MYO1H: variants seen among roughly 807,000 people sequenced by gnomAD.
The protein encoded by MYO1H is unconventional myosin-Ih.
MYO1H carries 118 observed loss-of-function variants against 149.3 expected under a neutral mutation model. That is an observed-to-expected ratio of 0.79 (90% CI 0.68 to 0.92). MYO1H has a LOEUF of 0.92. Among genes scored for constraint, MYO1H ranks in the 40% least tolerant of loss-of-function variants. The pLI, the probability that MYO1H is intolerant of heterozygous loss-of-function variation, is 0.00. For missense variants in MYO1H, 1,212 were observed against 1,280.7 expected, an observed-to-expected ratio of 0.95 and a Z score of 0.82; for synonymous variants, 447 against 465.2, an observed-to-expected ratio of 0.96 and a Z score of 0.50.
chr12:109,428,806 T>A (rs77866602), intron 19 of MYO1H, among the ~76,000 whole-genome samples: 8 of 55,728 alleles, frequency 1.4e-4, no homozygotes, highest in Non-Finnish European at 3.5e-4. Flanking sequence ...CTCACCCCCC[T>A]CCAAACATAT....
At chr12:109,351,358 C>T (rs916442994) in intron 1 of MYO1H, among the ~76,000 whole-genome samples, 1 of 152,168 alleles carries the variant, frequency 6.6e-6, no homozygotes, top group Non-Finnish European at 1.5e-5. Context: ...TATCTTTTGA[C>T]TAACAAAATA....
At chr12:109,340,487 C>A in the MYO1H span, among the ~76,000 whole-genome samples, 1 of 152,116 alleles carries the variant, frequency 6.6e-6, no homozygotes, top group Admixed American at 6.6e-5. Flanking sequence ...TTTTAACACC[C>A]CCCTGTTCTC....
At chr12:109,324,248 C>T in the MYO1H span, among the ~76,000 whole-genome samples, 11 of 152,136 alleles carry the variant, frequency 7.2e-5, no homozygotes, top group Non-Finnish European at 7.4e-5. Context: ...TACAGCTTGG[C>T]GGCCTCAGGG....
rs1872134198 is a variant in MYO1H, at chr12:109,441,647, CA to C, written c.2572del (p.Arg858GlyfsTer11). 3 of 1,613,020 alleles carry C rather than the reference CA, an allele frequency of 1.9e-6. No individual in the cohort carries two copies. Among genetic ancestry groups the C allele is most frequent in the Non-Finnish European group, 8.5e-7 (1 of 1,179,470 alleles). On this transcript the variant is annotated frameshift_variant, in exon 26 of 32. Transcript: ENST00000310903. LOFTEE classifies it high-confidence loss of function. ...AAAAGGTAGTTACAAGTGAAATCTT[CA>C]GGGGAAGGAAAGACGGCTACACAGA...
exon 26 of MYO1H, chr12:109,441,626 G>A (rs374331908): frequency 3.7e-6 from 6 of 1,610,568 alleles, no homozygotes; most frequent in Middle Eastern, 1.7e-4. Context: ...TGCAGCAAAA[G>A]GTAGTTACAA....
intron 7 of MYO1H, among the ~76,000 whole-genome samples, chr12:109,405,512 T>C (rs1346765816): frequency 1.3e-5 from 2 of 152,170 alleles, no homozygotes; most frequent in Non-Finnish European, 2.9e-5. Flanking sequence ...GGTTTCACCA[T>C]GTTGGCCAGA....
intron 18 of MYO1H, 102 bp downstream of exon 18, chr12:109,426,153 C>T (rs975409054): frequency 1.2e-5 from 9 of 775,056 alleles, no homozygotes; most frequent in East Asian, 2.6e-5. Context: ...CAAGCTTGCT[C>T]GATGTCCTCT....
At chr12:109,432,978 C>T (rs750786448) in exon 20 of MYO1H, 20 of 1,613,922 alleles carry the variant, frequency 1.2e-5, no homozygotes, top group Middle Eastern at 3.3e-4. Flanking sequence ...TCAAGTACAT[C>T]GGCTACAAAC....
At chr12:109,330,645 A>G in the MYO1H span, among the ~76,000 whole-genome samples, 2 of 152,120 alleles carry the variant, frequency 1.3e-5, no homozygotes, top group Admixed American at 1.3e-4. Context: ...AGTCCTCATT[A>G]TCTCTAATTG....
In MYO1H at chr12:109,393,332, CAT is replaced by C; in HGVS notation, c.181_182del (p.Ile61TrpfsTer31). The C allele has an allele frequency of 3.2e-6, 5 of 1,563,258 alleles. No individual in the cohort carries two copies. Among genetic ancestry groups the C allele is most frequent in the Non-Finnish European group, 4.3e-6 (5 of 1,150,776 alleles). The stretch of plus-strand genomic sequence containing the variant: ...TTGTGCTTTGGTCCATTTCTCTAGA[CAT>C]ATATTGGCACCCTCCTTGTGTCTGT... On this transcript the variant is annotated frameshift_variant and splice_region_variant, in exon 3 of 32. Transcript: ENST00000310903. LOFTEE classifies it high-confidence loss of function.
At chr12:109,434,045 T>TG (rs1871753153) in intron 20 of MYO1H, among the ~76,000 whole-genome samples, 1 of 152,138 alleles carries the variant, frequency 6.6e-6, no homozygotes, top group Admixed American at 6.5e-5. Flanking sequence ...GACAGAGTCT[T>TG]GCTCTGTCAC....
chr12:109,370,641 G>A (rs906060274), intron 1 of MYO1H, among the ~76,000 whole-genome samples: 50 of 152,216 alleles, frequency 3.3e-4, no homozygotes, highest in African/African-American at 1.2e-3. Flanking sequence ...TATTGGCAGG[G>A]AGGTACATTT....
At chr12:109,384,709 C>T (rs1044289708) in intron 1 of MYO1H, among the ~76,000 whole-genome samples, 5 of 152,214 alleles carry the variant, frequency 3.3e-5, no homozygotes, top group African/African-American at 1.2e-4. Flanking sequence ...GTTCCTTAAT[C>T]TACAAGGTTT....
intron 26 of MYO1H, 106 bp from the exon 27 acceptor site, chr12:109,442,111 T>G: frequency 2.0e-5 from 18 of 921,522 alleles, no homozygotes; most frequent in Non-Finnish European, 2.8e-5. Flanking sequence ...TTTCCCCACC[T>G]GAGATCTTAG....
chr12:109,432,295 C>T (rs12817055), intron 19 of MYO1H, among the ~76,000 whole-genome samples: 39,316 of 151,792 alleles, frequency 0.26, 5,248 homozygotes, highest in Admixed American at 0.33. Flanking sequence ...TGAGCCCCTG[C>T]GCCTGGCCTT....
the MYO1H span, among the ~76,000 whole-genome samples, chr12:109,337,079 C>T: frequency 3.3e-5 from 5 of 152,174 alleles, no homozygotes; most frequent in East Asian, 1.9e-4. Context: ...GGAACACAGT[C>T]GTTGGAGGGA....
At chr12:109,349,684 G>A (rs1455710771) in intron 1 of MYO1H, among the ~76,000 whole-genome samples, 1 of 151,256 alleles carries the variant, frequency 6.6e-6, no homozygotes, top group African/African-American at 2.4e-5. Context: ...AAAGAGGCCG[G>A]GTGCGGTGGC....
intron 1 of MYO1H, among the ~76,000 whole-genome samples, chr12:109,365,870 C>T (rs560078857): frequency 2.0e-5 from 3 of 152,044 alleles, no homozygotes; most frequent in East Asian, 1.9e-4. Flanking sequence ...GGAACTGGGC[C>T]GCACAGCAGG....
the MYO1H span, among the ~76,000 whole-genome samples, chr12:109,321,761 A>G: frequency 6.6e-6 from 1 of 152,220 alleles, no homozygotes; most frequent in Non-Finnish European, 1.5e-5. Context: ...AAACTGGCAA[A>G]GATTGTACAG....
Sources: gnomAD v4.1 joint callset for allele counts (sites outside exome capture counted in the v4.1 genomes callset) on GRCh38, gnomAD v4.1.1 for gene constraint, MANE v1.5 for transcripts, NCBI Gene and HGNC (gene_info 2026-07-23, HGNC 2026-07-21) for gene names.